GSDME: variants seen among roughly 807,000 people sequenced by gnomAD.
GSDME encodes the protein gasdermin E, also known as gasdermin-E.
Under a neutral mutation model 47.5 loss-of-function variants are expected in GSDME, and 44 were observed. The observed-to-expected ratio is 0.93, with a 90% confidence interval of 0.73 to 1.19. The LOEUF is 1.19. Ranked by LOEUF, GSDME falls within the 50% of genes most tolerant of loss-of-function variation. GSDME has a pLI of 0.00. For synonymous variants in GSDME, 258 were observed against 252.8 expected (o/e 1.02, Z -0.20); for missense variants, 663 against 604.2 (o/e 1.10, Z -1.02).
Position 24,733,297 on chromosome 7 carries a change from G to C in GSDME, c.404+11265C>G, listed in dbSNP as rs1178124724. 6.6e-6 allele frequency among the ~76,000 whole-genome samples: 1 copy of C among 152,010 alleles called. No homozygotes were observed. The highest frequency in any genetic ancestry group is 1.5e-5 in the Non-Finnish European group (1 of 67,992). On this transcript the variant is annotated intron_variant, in intron 3 of 9. Transcript: ENST00000645220. The surrounding 1 kb of genome is among the most constrained non-coding windows in gnomAD (Gnocchi z 4.3). ...CCAGGCAATACATGCCATGAGCCTT[G>C]GGTGAGACTCTGAGACATGCTGACC...
chr7:24,766,451 C>G, the GSDME span, among the ~76,000 whole-genome samples: 1 of 152,118 alleles, frequency 6.6e-6, no homozygotes, highest in African/African-American at 2.4e-5. This position sits in a 1 kb window ranked among gnomAD's most constrained non-coding sequence, Gnocchi z 4.2. Context: ...TCTCCCTCCC[C>G]TAGACTCACA....
chr7:24,753,218 A>G, intron 1 of GSDME, among the ~76,000 whole-genome samples: 1 of 152,240 alleles, frequency 6.6e-6, no homozygotes, highest in East Asian at 1.9e-4. Flanking sequence ...TAAATGATGT[A>G]AAGGATACAC....
rs960032084 is a variant in GSDME, at chr7:24,728,499, GC to G, written c.405-9282del. Among the ~76,000 whole-genome samples, 1 of 152,210 alleles carries G rather than the reference GC, an allele frequency of 6.6e-6. No individual in the cohort carries two copies. ...GCACGAAGAACTCAGAAGCCAAGGGGCTGGGTGAGAATGCAGCTCAGCACCA... is the reference window on the plus strand; with the variant it reads ...GCACGAAGAACTCAGAAGCCAAGGGGTGGGTGAGAATGCAGCTCAGCACCA... On this transcript the variant is annotated intron_variant, in intron 3 of 9. Transcript: ENST00000645220. The surrounding 1 kb of genome is among the most constrained non-coding windows in gnomAD (Gnocchi z 7.2).
At chr7:24,730,196 T>A (rs1260186360) in intron 3 of GSDME, among the ~76,000 whole-genome samples, 1 of 152,194 alleles carries the variant, frequency 6.6e-6, no homozygotes, top group African/African-American at 2.4e-5. Context: ...GGAACAAACA[T>A]CTGCTCACCT....
At chr7:24,793,144 T>C in the GSDME span, among the ~76,000 whole-genome samples, 1 of 152,200 alleles carries the variant, frequency 6.6e-6, no homozygotes, top group Non-Finnish European at 1.5e-5. Flanking sequence ...TTTATATTAG[T>C]GTGTTATTAA....
At position 24,706,192 on chromosome 7, in the gene GSDME, G is replaced by A. The variant is rs1789092677; in HGVS notation, c.1175C>T (p.Ala392Val). Reference sequence around the variant, plus strand: ...TTTTCTTTTCTCCTTACCTGCGAGGGCACTGACCAAGAAGTAGGCTGTCAT... The same window carrying A: ...TTTTCTTTTCTCCTTACCTGCGAGGACACTGACCAAGAAGTAGGCTGTCAT... ...LFMTAYFLVS[A>V]LAEMPDSAAA... The change falls in exon 8 of 10, where the codon GCC becomes GTC. Residue 392 changes from alanine (A) to valine (V), a missense_variant. By Grantham distance (64) the Ala-to-Val change is moderately conservative. Transcript: ENST00000645220. 6 of 1,614,226 alleles carry A rather than the reference G, an allele frequency of 3.7e-6. No homozygotes were observed. Among genetic ancestry groups the A allele is most frequent in the Non-Finnish European group, 3.4e-6 (4 of 1,180,040 alleles).
At chr7:24,755,462 C>G (rs534743489) in intron 1 of GSDME, among the ~76,000 whole-genome samples, 28 of 152,308 alleles carry the variant, frequency 1.8e-4, no homozygotes, top group African/African-American at 6.7e-4. Context: ...CAATTCAGAG[C>G]AAAGCCCTCT....
rs1024736445 is a variant in GSDME at position 24,742,646 on chromosome 7, C to T, written c.404+1916G>A. Among the ~76,000 whole-genome samples, 4 of 152,128 alleles carry T rather than the reference C, an allele frequency of 2.6e-5. No individual in the cohort carries two copies. The highest frequency in any genetic ancestry group is 7.2e-5 in the African/African-American group (3 of 41,418). ...GAGAAATGTGATTATAGGACATTGC[C>T]AAACTGTGCTTCTTGAAATAGAAAT... is the stretch of plus-strand genomic sequence containing the variant. On this transcript the variant is annotated intron_variant, in intron 3 of 9. Transcript: ENST00000645220. This position sits in a 1 kb window ranked among gnomAD's most constrained non-coding sequence, Gnocchi z 4.4.
At chr7:24,782,436 T>C in the GSDME span, among the ~76,000 whole-genome samples, 1 of 152,224 alleles carries the variant, frequency 6.6e-6, no homozygotes, top group East Asian at 1.9e-4. Context: ...ATGGTGTATA[T>C]ATGCCACATT....
the GSDME span, among the ~76,000 whole-genome samples, chr7:24,791,729 CAG>C: frequency 2.0e-5 from 3 of 152,166 alleles, no homozygotes; most frequent in African/African-American, 7.2e-5. The surrounding 1 kb of genome is among the most constrained non-coding windows in gnomAD (Gnocchi z 4.8). Flanking sequence ...AGTTATTCGG[CAG>C]AGTGTCCAGT....
chr7:24,758,634 C>T (rs145284001), upstream of GSDME, among the ~76,000 whole-genome samples: 2,070 of 152,318 alleles, frequency 0.014, 52 homozygotes, highest in African/African-American at 0.047. The surrounding 1 kb of genome is among the most constrained non-coding windows in gnomAD (Gnocchi z 4.6). Context: ...CCCGGCAGCG[C>T]TTTCCCTTGG....
chr7:24,783,002 C>T, the GSDME span, among the ~76,000 whole-genome samples: 2 of 152,168 alleles, frequency 1.3e-5, no homozygotes, highest in East Asian at 1.9e-4. Flanking sequence ...TATATTTTTG[C>T]AAATCTAATT....
chr7:24,702,997 C>T lies in GSDME; in HGVS notation c.1184-164G>A, dbSNP rs192882879. On this transcript the variant is annotated intron_variant, in intron 8 of 9. Coordinates refer to ENST00000645220, the MANE Select transcript of GSDME (RefSeq NM_001127453.2). ...TAGTGAATGAATGGTGCTAAATGGG[C>T]AGCAAAGACCTTGTAGAAAACAGAT... 186 of 605,216 alleles carry T rather than the reference C, an allele frequency of 3.1e-4. 3 individuals are homozygous for T. The highest frequency in any genetic ancestry group is 2.8e-3 in the South Asian group (181 of 64,320). The allele number at this position is 605,216 out of a possible 1,614,324, so 37.5% of individuals were successfully genotyped here.
chr7:24,710,160 C>T, intron 6 of GSDME, 64 bp downstream of exon 6: 1 of 1,559,660 alleles, frequency 6.4e-7, no homozygotes, highest in South Asian at 1.1e-5. Flanking sequence ...GGCCACACCA[C>T]CTCTTGGGAT....
In GSDME at chr7:24,716,948, G is replaced by T. The variant is rs1323396411; in HGVS notation, c.697+306C>A. On this transcript the variant is annotated intron_variant, in intron 5 of 9. Transcript: ENST00000645220. This position sits in a 1 kb window ranked among gnomAD's most constrained non-coding sequence, Gnocchi z 4.5. ...ACCGGGGTTGATGCCCAGTGTGTCT[G>T]ATGCAGAGCCCAGGTTGATGCCCAG... is the stretch of plus-strand genomic sequence containing the variant. 1 of 419,540 alleles carries T rather than the reference G, an allele frequency of 2.4e-6. No homozygotes were observed. Among genetic ancestry groups the T allele is most frequent in the African/African-American group, 2.0e-5 (1 of 49,506 alleles). The allele number at this position is 419,540 out of a possible 1,614,324, so 26.0% of individuals were successfully genotyped here. A position where few individuals can be genotyped will look rare whatever the true frequency, so the allele number is the denominator to read the frequency against.
At chr7:24,701,486 G>T (rs1254684339) in intron 9 of GSDME, among the ~76,000 whole-genome samples, 2 of 151,774 alleles carry the variant, frequency 1.3e-5, no homozygotes, top group East Asian at 1.9e-4. Context: ...ATAACAGTTA[G>T]ATAACATGGG....
rs753206194 is a variant in GSDME, at chr7:24,749,732, C to T, written c.43G>A (p.Ala15Thr). The T allele has an allele frequency of 5.6e-6, 9 of 1,614,016 alleles. No homozygotes were observed. In the African/African-American group the frequency reaches 1.2e-4, roughly 22 times the overall value. Residue 15 changes from alanine (A) to threonine (T), a missense_variant, in exon 2 of 10, where the codon GCT (alanine) becomes ACT (threonine). Physicochemically the swap from Ala to Thr is moderately conservative, Grantham distance 58. Coordinates refer to ENST00000645220, the MANE Select transcript of GSDME (RefSeq NM_001127453.2). Reference protein sequence around the residue: ...ATRNFLREVDADGDLIAVSNL... With the variant: ...ATRNFLREVDTDGDLIAVSNL... The stretch of plus-strand genomic sequence containing the variant: ...GATACTGCAATCAGGTCACCATCAG[C>T]ATCAACTTCTCTAAGAAAATTCCTG...
chr7:24,744,742 G>A lies in GSDME; in HGVS notation c.224C>T (p.Ser75Leu), dbSNP rs370126747. The change falls in exon 3 of 10, where the codon TCG becomes TTG. Residue 75 changes from serine (S) to leucine (L), a missense_variant. By Grantham distance (145) the Ser-to-Leu change is moderately radical. Transcript: ENST00000645220. This position sits in a 1 kb window ranked among gnomAD's most constrained non-coding sequence, Gnocchi z 4.5. ...DQFPSPVVVE[S>L]DFVKYEGKFA... is the part of the protein sequence containing the mutation. ...CTTGCCCTCGTATTTCACAAAGTCC[G>A]ACTCCACGACCACTGGAATGGAGGA... is the stretch of plus-strand genomic sequence containing the variant. 20 of 1,613,970 alleles carry A rather than the reference G, an allele frequency of 1.2e-5. No individual in the cohort carries two copies. Among genetic ancestry groups the A allele is most frequent in the Admixed American group, 6.7e-5 (4 of 60,012 alleles).
At chr7:24,717,511 C>A in intron 4 of GSDME, 137 bp from the exon 5 acceptor site, 3 of 1,382,236 alleles carry the variant, frequency 2.2e-6, no homozygotes, top group Non-Finnish European at 3.0e-6. Context: ...ACAGAGGAGC[C>A]AGCCAGCATG....
Sources: allele counts gnomAD v4.1 joint callset (sites outside exome capture counted in the v4.1 genomes callset), GRCh38; gene constraint gnomAD v4.1.1; non-coding constraint Gnocchi (gnomAD v3.1); transcripts MANE v1.5; gene names NCBI Gene and HGNC (gene_info 2026-07-23, HGNC 2026-07-21).